DOCK11: variants seen among roughly 807,000 people sequenced by gnomAD.
DOCK11 encodes the protein dedicator of cytokinesis 11.
DOCK11 carries 70 observed loss-of-function variants against 169.1 expected under a neutral mutation model. The ratio of observed to expected loss-of-function variants is 0.41; its 90% CI spans 0.34 to 0.51. The LOEUF is 0.51. Among genes scored for constraint, DOCK11 ranks in the 20% least tolerant of loss-of-function variants. The pLI, the probability that DOCK11 is intolerant of heterozygous loss-of-function variation, is 0.10. For missense variants in DOCK11, 1,166 were observed against 1,538.8 expected, an observed-to-expected ratio of 0.76 and a Z score of 4.05; for synonymous variants, 529 against 541.3, an observed-to-expected ratio of 0.98 and a Z score of 0.32.
chrX:118,537,226 G>A (rs2011789875), intron 1 of DOCK11, among the ~76,000 whole-genome samples: 1 of 111,586 alleles, frequency 9.0e-6, no homozygotes, highest in Non-Finnish European at 1.9e-5. Flanking sequence ...TTGGAGGATG[G>A]GGTGGTGGTA....
At chrX:118,580,891 A>G (rs2013612087) in intron 14 of DOCK11, among the ~76,000 whole-genome samples, 1 of 112,330 alleles carries the variant, frequency 8.9e-6, no homozygotes, top group Non-Finnish European at 1.9e-5. Flanking sequence ...TGGAAAACAT[A>G]CTGAAAATTC....
At position 118,601,431 on chromosome X, in the gene DOCK11, A is replaced by G. The variant is rs754561988; in HGVS notation, c.2562+2203A>G. 2.1e-3 allele frequency among the ~76,000 whole-genome samples: 230 copies of G among 110,316 alleles called. 1 individual carries two copies. Among genetic ancestry groups the G allele is most frequent in the Non-Finnish European group, 3.8e-3 (201 of 52,750 alleles). ...AGCGAGACCCTGTCTCAAAAAAAAAAAAAAAAGAAAAAAGTATGATAATCA... is the reference window on the plus strand; with the variant it reads ...AGCGAGACCCTGTCTCAAAAAAAAAGAAAAAAGAAAAAAGTATGATAATCA... On this transcript the variant is annotated intron_variant, in intron 23 of 52. Coordinates refer to ENST00000276202, the MANE Select transcript of DOCK11 (RefSeq NM_144658.4).
At chrX:118,606,709 G>A (rs779149323) in intron 24 of DOCK11, among the ~76,000 whole-genome samples, 3 of 111,973 alleles carry the variant, frequency 2.7e-5, no homozygotes, top group Non-Finnish European at 5.6e-5. Context: ...GTTGGGGATA[G>A]TGTTGTTGAA....
In DOCK11 at chrX:118,597,516, A is replaced by G; in HGVS notation, c.2349A>G (p.Pro783=). The G allele has an allele frequency of 1.7e-6, 2 of 1,211,577 alleles. No individual in the cohort carries two copies. Among genetic ancestry groups the G allele is most frequent in the Non-Finnish European group, 1.1e-6 (1 of 895,295 alleles). ...TGCCAGTTTCCGCCAATCTTCCCCCAGGCTACTTGAATCTGAATGATGCAG... is the reference window on the plus strand; with the variant it reads ...TGCCAGTTTCCGCCAATCTTCCCCCGGGCTACTTGAATCTGAATGATGCAG... ...QQLPVSANLP[P]GYLNLNDAES... The change falls in exon 21 of 53, where the codon CCA becomes CCG. Residue 783 remains proline (P), a synonymous_variant. Transcript: ENST00000276202.
chrX:118,654,615 C>T lies in DOCK11; in HGVS notation c.4709C>T (p.Pro1570Leu). 8.3e-7 allele frequency: 1 copy of T among 1,210,493 alleles called. No individual in the cohort carries two copies. The highest frequency in any genetic ancestry group is 1.8e-5 in the South Asian group (1 of 56,843). ...SDRPMKATAF[P>L]AEVKDLTKRI... Reference sequence around the variant, plus strand: ...TTTTGAAATTAGGCAACTGCCTTTCCCGCAGAAGTCAAAGACTTGACCAAG... The same window carrying T: ...TTTTGAAATTAGGCAACTGCCTTTCTCGCAGAAGTCAAAGACTTGACCAAG... Residue 1570 changes from proline (P) to leucine (L), a missense_variant, in exon 43 of 53, where the codon CCC (proline) becomes CTC (leucine). Transcript: ENST00000276202.
intron 1 of DOCK11, among the ~76,000 whole-genome samples, chrX:118,527,105 C>T (rs941998122): frequency 4.5e-5 from 5 of 111,960 alleles, no homozygotes; most frequent in Non-Finnish European, 7.5e-5. Flanking sequence ...TACCCAGGGC[C>T]TTTACTATAT....
intron 22 of DOCK11, 61 bp downstream of exon 22, chrX:118,598,177 AC>A: frequency 1.2e-6 from 1 of 866,337 alleles, no homozygotes; most frequent in Non-Finnish European, 1.7e-6. Context: ...ATTAAAATAG[AC>A]CACATTTGAT....
In DOCK11 at chrX:118,524,291, C is replaced by T. The variant is rs147486669; in HGVS notation, c.103-18434C>T. Among the ~76,000 whole-genome samples, 8 of 111,799 alleles carry T rather than the reference C, an allele frequency of 7.2e-5. No individual in the cohort carries two copies. In the East Asian group the frequency reaches 1.4e-3, roughly 20 times the overall value. ...AGAAGGGTAAAAAGGAGGTATTAGG[C>T]GTACCTTCTCCATCCATATTTCAGG... On this transcript the variant is annotated intron_variant, in intron 1 of 52. Transcript: ENST00000276202.
chrX:118,594,596 C>T (rs1427866409), intron 20 of DOCK11, among the ~76,000 whole-genome samples: 2 of 111,343 alleles, frequency 1.8e-5, no homozygotes, highest in African/African-American at 6.5e-5. Context: ...TTGTAGTAGG[C>T]ACTTTGGAGA....
rs2016749257 is a variant in DOCK11, at chrX:118,681,806, A to G, written c.5963+12A>G. The G allele has an allele frequency of 7.7e-6, 9 of 1,168,154 alleles. No individual in the cohort carries two copies. Among genetic ancestry groups the G allele is most frequent in the Non-Finnish European group, 1.0e-5 (9 of 866,052 alleles). On this transcript the variant is annotated intron_variant, in intron 51 of 52. Coordinates refer to ENST00000276202, the MANE Select transcript of DOCK11 (RefSeq NM_144658.4). ...AAAGACATGTTTAGGTAAGTGTTTT[A>G]TAGTTTTCAGGTTAGACCCGTGTTC...
chrX:118,541,083 T>G (rs2011977464), intron 1 of DOCK11, among the ~76,000 whole-genome samples: 1 of 110,270 alleles, frequency 9.1e-6, no homozygotes, highest in African/African-American at 3.3e-5. Context: ...AGTAAACAAA[T>G]AAAAGAAAAT....
In DOCK11 at chrX:118,580,097, A is replaced by G. The variant is rs755216831; in HGVS notation, c.1513A>G (p.Thr505Ala). 8.3e-7 allele frequency: 1 copy of G among 1,207,225 alleles called. No homozygotes were observed. Among genetic ancestry groups the G allele is most frequent in the Non-Finnish European group, 1.1e-6 (1 of 893,176 alleles). Reference protein sequence around the residue: ...PYIKNSDPVKTAQKVHRTAKQ... With the variant: ...PYIKNSDPVKAAQKVHRTAKQ... Reference sequence around the variant, plus strand: ...CCTATCTTCTTGTTTCTGACCTTAGACGGCCCAGAAGGTGCACAGGACAGC... The same window carrying G: ...CCTATCTTCTTGTTTCTGACCTTAGGCGGCCCAGAAGGTGCACAGGACAGC... The change falls in exon 14 of 53, where the codon ACG becomes GCG. Residue 505 changes from threonine to alanine, a missense_variant and splice_region_variant. Thr to Ala is a moderately conservative substitution (Grantham distance 58). Coordinates refer to ENST00000276202, the MANE Select transcript of DOCK11 (RefSeq NM_144658.4).
chrX:118,608,165 T>A, intron 25 of DOCK11, 24 bp downstream of exon 25: 1 of 1,194,002 alleles, frequency 8.4e-7, no homozygotes, highest in Non-Finnish European at 1.1e-6. Flanking sequence ...AGTTTCTTTC[T>A]GAGCAATTTG....
chrX:118,647,303 A>G (rs1253953563), intron 40 of DOCK11, among the ~76,000 whole-genome samples: 1 of 102,369 alleles, frequency 9.8e-6, no homozygotes, highest in Non-Finnish European at 2.0e-5. Flanking sequence ...TATAAAGCAA[A>G]AGAGTAAGTA....
At chrX:118,594,746 G>A (rs989331835) in intron 20 of DOCK11, among the ~76,000 whole-genome samples, 5 of 111,574 alleles carry the variant, frequency 4.5e-5, no homozygotes, top group Admixed American at 1.9e-4. Context: ...TCAGAAGAGC[G>A]AGTTATTCAG....
intron 1 of DOCK11, among the ~76,000 whole-genome samples, chrX:118,532,684 G>A (rs1241893847): frequency 2.8e-5 from 3 of 107,607 alleles, no homozygotes; most frequent in African/African-American, 1.0e-4. Context: ...GGGAGGCTGA[G>A]GCAGGAGAAT....
intron 20 of DOCK11, 52 bp from the exon 21 acceptor site, chrX:118,597,379 A>G (rs2014198162): frequency 8.3e-7 from 1 of 1,200,352 alleles, no homozygotes; most frequent in African/African-American, 1.8e-5. Context: ...CCATTTGTGT[A>G]GCTGATTGCA....
intron 19 of DOCK11, among the ~76,000 whole-genome samples, chrX:118,592,322 A>C (rs1416607271): frequency 8.1e-5 from 7 of 85,998 alleles, no homozygotes; most frequent in African/African-American, 2.8e-4. Flanking sequence ...AATGATTGCC[A>C]CTCTAACTGG....
At chrX:118,585,013 C>T in intron 15 of DOCK11, 28 bp from the exon 16 acceptor site, 1 of 1,181,896 alleles carries the variant, frequency 8.5e-7, no homozygotes, top group Middle Eastern at 2.4e-4. Flanking sequence ...ATAATTTTAA[C>T]TCTAAAATAT....
Sources: gnomAD v4.1 joint callset for allele counts (sites outside exome capture counted in the v4.1 genomes callset) on GRCh38, gnomAD v4.1.1 for gene constraint, MANE v1.5 for transcripts, NCBI Gene and HGNC (gene_info 2026-07-23, HGNC 2026-07-21) for gene names.